Variants in ZFHX3 observed in about 807,000 individuals in gnomAD.
The protein encoded by ZFHX3 is zinc finger homeobox 3, also known as zinc finger homeobox protein 3.
Under a neutral mutation model 279.1 loss-of-function variants are expected in ZFHX3, and 42 were observed. The observed-to-expected ratio is 0.15, with a 90% CI of 0.12 to 0.19. ZFHX3 has a LOEUF of 0.19. ZFHX3 is among the 10% of genes least tolerant of loss of function. The pLI, the probability that ZFHX3 is intolerant of heterozygous loss-of-function variation, is 1.00. For missense variants in ZFHX3, 4,981 were observed against 4,754.0 expected (o/e 1.05, Z -1.40); for synonymous variants, 2,293 against 1,957.8 (o/e 1.17, Z -4.52).
At chr16:73,528,814 G>T (rs892379748) in intron 2 of ZFHX3, among the ~76,000 whole-genome samples, 1 of 152,108 alleles carries the variant, frequency 6.6e-6, no homozygotes, top group Non-Finnish European at 1.5e-5. Context: ...CAAGGTAACT[G>T]GCACCATGGG....
chr16:72,979,955 A>C (rs901477959), intron 1 of ZFHX3, among the ~76,000 whole-genome samples: 2 of 152,242 alleles, frequency 1.3e-5, no homozygotes, highest in Non-Finnish European at 2.9e-5. Context: ...GGTCAGGATT[A>C]TTTAGCTCCA....
At chr16:73,466,460 T>A (rs1416624936) in intron 2 of ZFHX3, among the ~76,000 whole-genome samples, 1 of 152,166 alleles carries the variant, frequency 6.6e-6, no homozygotes, top group Non-Finnish European at 1.5e-5. Context: ...CCAGCTTGGG[T>A]AACAGAGTGA....
At chr16:73,252,248 G>C (rs1006201559) in intron 5 of ZFHX3, among the ~76,000 whole-genome samples, 1 of 152,198 alleles carries the variant, frequency 6.6e-6, no homozygotes, top group Admixed American at 6.5e-5. Context: ...TGTGATCCAT[G>C]AGTATGAGGG....
intron 2 of ZFHX3, among the ~76,000 whole-genome samples, chr16:73,508,918 T>C (rs993526519): frequency 1.4e-4 from 21 of 152,292 alleles, no homozygotes; most frequent in African/African-American, 5.1e-4. Context: ...GAAAAAGATA[T>C]CCCTGTACTG....
intron 2 of ZFHX3, among the ~76,000 whole-genome samples, chr16:73,458,315 TTCCTCCCTC>T: frequency 1.0e-5 from 1 of 99,324 alleles, no homozygotes; most frequent in Non-Finnish European, 2.1e-5. Context: ...TTTCCCTCCC[TTCCTCCCTC>T]ACTTCCTCCC....
chr16:73,318,584 G>A (rs182659737), intron 3 of ZFHX3, among the ~76,000 whole-genome samples: 168 of 152,014 alleles, frequency 1.1e-3, no homozygotes, highest in African/African-American at 3.9e-3. Context: ...GTAACTAAGA[G>A]GAAGGAGATC....
At chr16:73,457,501 G>T (rs1205142609) in intron 2 of ZFHX3, among the ~76,000 whole-genome samples, 1 of 152,176 alleles carries the variant, frequency 6.6e-6, no homozygotes, top group East Asian at 1.9e-4. Flanking sequence ...GGCCGGGCAC[G>T]CTGGCTCACT....
chr16:72,899,294 G>C (rs1241985907), intron 3 of ZFHX3, among the ~76,000 whole-genome samples: 1 of 152,080 alleles, frequency 6.6e-6, no homozygotes, highest in African/African-American at 2.4e-5. Flanking sequence ...AGTTACCCCT[G>C]CTGCTGTTCT....
Position 72,787,535 on chromosome 16 carries a change from G to A in ZFHX3, c.10741C>T (p.Pro3581Ser), listed in dbSNP as rs751889020. 5.0e-6 allele frequency: 8 copies of A among 1,613,992 alleles called. No homozygotes were observed. The highest frequency in any genetic ancestry group is 6.8e-6 in the Non-Finnish European group (8 of 1,180,000). Residue 3581 changes from proline to serine, a missense_variant, in exon 10 of 10, where the codon CCT becomes TCT. Around this residue, in one of 7 missense-constraint regions of ZFHX3, gnomAD observed 1,034 missense variants for 786.0 expected, o/e 1.32. Coordinates refer to ENST00000268489, the MANE Select transcript of ZFHX3 (RefSeq NM_006885.4). ...LLPHSACFPDPSTASTSQSAA... is the reference protein window; with the variant it reads ...LLPHSACFPDSSTASTSQSAA... ...GACTGCGAGGTAGATGCGGTGCTAG[G>A]ATCGGGGAAGCAGGCAGAGTGAGGT...
At chr16:72,801,575 G>T (rs183656632) in intron 7 of ZFHX3, among the ~76,000 whole-genome samples, 1 of 152,174 alleles carries the variant, frequency 6.6e-6, no homozygotes, top group East Asian at 1.9e-4. Flanking sequence ...GGTGCAAAAA[G>T]TAAGCAACAG....
At chr16:73,119,552 G>C (rs1474990666) in intron 7 of ZFHX3, among the ~76,000 whole-genome samples, 2 of 152,316 alleles carry the variant, frequency 1.3e-5, no homozygotes, top group East Asian at 3.9e-4. Context: ...ATGCTCCTGA[G>C]CGCTTGGACC....
intron 7 of ZFHX3, among the ~76,000 whole-genome samples, chr16:73,101,265 C>T (rs1966227553): frequency 6.6e-6 from 1 of 152,176 alleles, no homozygotes; most frequent in South Asian, 2.1e-4. Context: ...TTGATGAGCC[C>T]CATTCAAGAT....
At chr16:73,631,193 T>A (rs1348566056) in intron 2 of ZFHX3, among the ~76,000 whole-genome samples, 1 of 152,232 alleles carries the variant, frequency 6.6e-6, no homozygotes, top group Non-Finnish European at 1.5e-5. Flanking sequence ...ACCCACCTCC[T>A]TGAGTATCTA....
intron 4 of ZFHX3, among the ~76,000 whole-genome samples, chr16:72,885,361 A>G (rs1171047691): frequency 6.6e-6 from 1 of 152,240 alleles, no homozygotes; most frequent in Non-Finnish European, 1.5e-5. Flanking sequence ...GTAGCCAGTC[A>G]TGGCAGATAT....
intron 1 of ZFHX3, among the ~76,000 whole-genome samples, chr16:73,833,954 G>T (rs1453980866): frequency 6.6e-6 from 1 of 151,692 alleles, no homozygotes; most frequent in Non-Finnish European, 1.5e-5. Flanking sequence ...CGACAAGGGT[G>T]GTATGTTTGA....
intron 5 of ZFHX3, among the ~76,000 whole-genome samples, chr16:73,224,816 G>A (rs571104727): frequency 5.3e-4 from 80 of 152,224 alleles, no homozygotes; most frequent in African/African-American, 1.6e-3. Context: ...GTTGCTTGAC[G>A]TGAACACAGA....
At chr16:73,247,466 C>T (rs111067765) in intron 5 of ZFHX3, among the ~76,000 whole-genome samples, 1,353 of 127,782 alleles carry the variant, frequency 0.011, 19 homozygotes, top group African/African-American at 0.037. Flanking sequence ...GTATATACTG[C>T]GTATATGATG....
At chr16:73,179,016 C>T (rs549248960) in intron 5 of ZFHX3, among the ~76,000 whole-genome samples, 28 of 152,318 alleles carry the variant, frequency 1.8e-4, no homozygotes, top group Middle Eastern at 3.4e-3. Context: ...GGGAACCATG[C>T]TCACACCAAC....
chr16:73,197,334 C>T (rs1375039506), intron 5 of ZFHX3, among the ~76,000 whole-genome samples: 1 of 149,988 alleles, frequency 6.7e-6, no homozygotes, highest in African/African-American at 2.5e-5. Flanking sequence ...GGCATGAGAG[C>T]GTGACTAGGA....
Sources: gnomAD v4.1 joint callset for allele counts (sites outside exome capture counted in the v4.1 genomes callset) on GRCh38, gnomAD v4.1.1 for gene constraint, gnomAD v4.1.1 regional missense constraint, MANE v1.5 for transcripts, NCBI Gene and HGNC (gene_info 2026-07-23, HGNC 2026-07-21) for gene names.